COL22A1: variants seen among roughly 807,000 people sequenced by gnomAD.
The protein encoded by COL22A1 is collagen type XXII alpha 1 chain.
A neutral mutation model predicts 248.9 loss-of-function variants in COL22A1; 221 were observed. The ratio of observed to expected loss-of-function variants is 0.89; its 90% CI spans 0.80 to 0.99. The LOEUF is 0.99. COL22A1 is among the 50% of genes least tolerant of loss of function. The pLI is 0.00. For synonymous variants in COL22A1, 891 were observed against 793.4 expected (o/e 1.12, Z -2.07); for missense variants, 2,240 against 2,179.0 (o/e 1.03, Z -0.56).
chr8:138,676,563 G>A lies in COL22A1; in HGVS notation c.3145C>T (p.Pro1049Ser). 1 of 1,562,220 alleles carries A rather than the reference G, an allele frequency of 6.4e-7. No individual in the cohort carries two copies. ...RGDPGIGVAG[P>S]PGPSGPPGDK... ...CTGGATAAATAAAGACTTACAGGAG[G>A]GCCAGCAACCCCAATGCCTGGGTCA... The change falls in exon 41 of 65, where the codon CCT becomes TCT. Residue 1049 changes from proline (P) to serine (S), a missense_variant. Transcript: ENST00000303045.
At chr8:138,892,030 G>C (rs750927914) in intron 1 of COL22A1, among the ~76,000 whole-genome samples, 2 of 152,188 alleles carry the variant, frequency 1.3e-5, no homozygotes, top group Non-Finnish European at 2.9e-5. Context: ...TATGTTGCTT[G>C]ATTTATTTGC....
intron 56 of COL22A1, among the ~76,000 whole-genome samples, chr8:138,609,298 C>T (rs1433219468): frequency 6.6e-6 from 1 of 152,218 alleles, no homozygotes; most frequent in Non-Finnish European, 1.5e-5. Context: ...ACATAGGCAG[C>T]ACTGATTCCA....
intron 27 of COL22A1, among the ~76,000 whole-genome samples, chr8:138,718,812 A>G (rs1042429897): frequency 1.3e-5 from 2 of 152,258 alleles, no homozygotes; most frequent in African/African-American, 4.8e-5. Flanking sequence ...ATAAAGCAGT[A>G]GGCTTCTCTG....
At chr8:138,626,108 G>A in intron 51 of COL22A1, 82 bp downstream of exon 51, 1 of 1,089,574 alleles carries the variant, frequency 9.2e-7, no homozygotes, top group Admixed American at 2.4e-5. Context: ...TGTTTTGACA[G>A]TGGAATATAT....
At chr8:138,757,069 TCACA>T (rs1833067238) in intron 18 of COL22A1, among the ~76,000 whole-genome samples, 1 of 152,178 alleles carries the variant, frequency 6.6e-6, no homozygotes, top group Non-Finnish European at 1.5e-5. Flanking sequence ...GCACATATTC[TCACA>T]CACATGTGCT....
chr8:138,797,521 A>G (rs1257091667), intron 11 of COL22A1, among the ~76,000 whole-genome samples: 1 of 152,168 alleles, frequency 6.6e-6, no homozygotes, highest in Admixed American at 6.5e-5. Context: ...ACTTTTGGCT[A>G]TTGTAAATAA....
chr8:138,849,017 G>C (rs1821443244), intron 3 of COL22A1, among the ~76,000 whole-genome samples: 1 of 152,126 alleles, frequency 6.6e-6, no homozygotes, highest in African/African-American at 2.4e-5. Flanking sequence ...AGGCGGAGGA[G>C]GGAAGAGCTG....
Position 138,715,720 on chromosome 8 carries a change from G to T in COL22A1, c.2479C>A (p.Leu827Met). 1 of 1,612,284 alleles carries T rather than the reference G, an allele frequency of 6.2e-7. No individual in the cohort carries two copies. Among genetic ancestry groups the T allele is most frequent in the Non-Finnish European group, 8.5e-7 (1 of 1,178,766 alleles). ...TCACCTTTCAGTCCTGGAAGTCCCA[G>T]TTCACCTTTTTCTCCCTATAATAAA... ...EKGDQGEKGELGLPGLKGDRG... is the reference protein window; with the variant it reads ...EKGDQGEKGEMGLPGLKGDRG... The change falls in exon 30 of 65, where the codon CTG (leucine) becomes ATG (methionine). Residue 827 changes from leucine (L) to methionine (M), a missense_variant. Physicochemically the swap from Leu to Met is conservative, Grantham distance 15. Transcript: ENST00000303045.
chr8:138,760,542 G>A (rs1338287776), intron 17 of COL22A1, among the ~76,000 whole-genome samples: 1 of 152,168 alleles, frequency 6.6e-6, no homozygotes, highest in Non-Finnish European at 1.5e-5. Context: ...CACATTCTGA[G>A]AAAACAAAGG....
At chr8:138,823,559 C>T (rs1345015044) in intron 6 of COL22A1, among the ~76,000 whole-genome samples, 2 of 152,172 alleles carry the variant, frequency 1.3e-5, no homozygotes, top group Admixed American at 6.5e-5. Flanking sequence ...GTGCGCACCA[C>T]CATGCCCAGC....
intron 16 of COL22A1, among the ~76,000 whole-genome samples, chr8:138,772,968 C>CTGA (rs1834511883): frequency 6.6e-6 from 1 of 152,224 alleles, no homozygotes; most frequent in Non-Finnish European, 1.5e-5. Flanking sequence ...TGCTGGGAGG[C>CTGA]GTCTCTGCAA....
intron 3 of COL22A1, among the ~76,000 whole-genome samples, chr8:138,849,793 C>T (rs1240660937): frequency 2.6e-5 from 4 of 152,214 alleles, no homozygotes; most frequent in South Asian, 2.1e-4. Context: ...CAACATCACA[C>T]AGCTGACAAG....
intron 5 of COL22A1, among the ~76,000 whole-genome samples, chr8:138,831,510 A>G (rs188530204): frequency 6.6e-6 from 1 of 152,302 alleles, no homozygotes; most frequent in Admixed American, 6.5e-5. Flanking sequence ...GAGGGTAGGT[A>G]AGGGGAAGGC....
In COL22A1 at chr8:138,802,823, C is replaced by G. The variant is rs1817113248; in HGVS notation, c.1557+49G>C. 10 of 1,475,518 alleles carry G rather than the reference C, an allele frequency of 6.8e-6. No homozygotes were observed. The East Asian group carries it at 2.3e-4, about 33-fold the overall frequency. The allele number at this position is 1,475,518 out of a possible 1,614,324, so 91.4% of individuals were successfully genotyped here. A position where few individuals can be genotyped will look rare whatever the true frequency, so the allele number is the denominator to read the frequency against. On this transcript the variant is annotated intron_variant, in intron 11 of 64. Coordinates refer to ENST00000303045, the MANE Select transcript of COL22A1 (RefSeq NM_152888.3). ...CATGATCGGAGGGCCCTGGGTCCCC[C>G]ACGCCCGCCCTGAGGTTCAGCCATG...
At chr8:138,880,481 G>T (rs1402674064) in intron 2 of COL22A1, among the ~76,000 whole-genome samples, 1 of 152,126 alleles carries the variant, frequency 6.6e-6, no homozygotes, top group African/African-American at 2.4e-5. Context: ...AAGCAATAAA[G>T]TTCAAAAAAC....
At chr8:138,730,656 T>C (rs1586594038) in intron 23 of COL22A1, among the ~76,000 whole-genome samples, 1 of 152,184 alleles carries the variant, frequency 6.6e-6, no homozygotes, top group East Asian at 1.9e-4. Context: ...GCTTCCGGCA[T>C]GTAGCAGAAT....
intron 32 of COL22A1, among the ~76,000 whole-genome samples, chr8:138,696,489 T>C (rs944542238): frequency 1.3e-5 from 2 of 152,208 alleles, no homozygotes; most frequent in African/African-American, 4.8e-5. Flanking sequence ...GAAATCAGCA[T>C]AGAAAGACAC....
In COL22A1 at chr8:138,833,022, G is replaced by A. The variant is rs767687190; in HGVS notation, c.845+17C>T. 1 of 1,535,786 alleles carries A rather than the reference G, an allele frequency of 6.5e-7. No homozygotes were observed. The highest frequency in any genetic ancestry group is 9.0e-7 in the Non-Finnish European group (1 of 1,108,726). On this transcript the variant is annotated intron_variant, in intron 5 of 64. Coordinates refer to ENST00000303045, the MANE Select transcript of COL22A1 (RefSeq NM_152888.3). ...ATGACACCCTGGGCAGGTCTGGAAA[G>A]AGAAGTGGCCACTCACTCAGTACTT... is the stretch of plus-strand genomic sequence containing the variant.
chr8:138,897,953 C>G (rs554652349), intron 1 of COL22A1, among the ~76,000 whole-genome samples: 9 of 152,180 alleles, frequency 5.9e-5, no homozygotes, highest in Admixed American at 3.9e-4. Flanking sequence ...GATTGGGTGT[C>G]TGGCAAGTGC....
Sources: allele counts gnomAD v4.1 joint callset (sites outside exome capture counted in the v4.1 genomes callset), GRCh38; gene constraint gnomAD v4.1.1; transcripts MANE v1.5; gene names NCBI Gene and HGNC (gene_info 2026-07-23, HGNC 2026-07-21).